The following RAB37 variants were observed in gnomAD, a reference collection of about 807,000 sequenced individuals.
The protein encoded by RAB37 is RAB37, member RAS oncogene family.
RAB37 carries 29 observed loss-of-function variants against 33.1 expected under a neutral mutation model. That is an observed-to-expected ratio of 0.88 (90% confidence interval 0.65 to 1.20). The LOEUF is 1.20. Among genes scored for constraint, RAB37 ranks in the 50% most tolerant of loss-of-function variants. The pLI is 0.00. For missense variants in RAB37, 299 were observed against 301.1 expected (o/e 0.99, Z 0.05); for synonymous variants, 128 against 119.5 (o/e 1.07, Z -0.47).
At chr17:74,695,925 G>T in intron 1 of RAB37, 1 of 1,552,310 alleles carries the variant, frequency 6.4e-7, no homozygotes, top group East Asian at 2.3e-5. Context: ...CCTTTTCCAC[G>T]GTGGGACGGG....
chr17:74,676,344 G>A lies in RAB37; in HGVS notation c.72+4686G>A, dbSNP rs369574769. 1.1e-4 allele frequency among the ~76,000 whole-genome samples: 17 copies of A among 152,120 alleles called. No homozygotes were observed. In the South Asian group the frequency reaches 3.5e-3, roughly 32 times the overall value. On this transcript the variant is annotated intron_variant, in intron 1 of 7. Coordinates refer to the RAB37 transcript ENST00000340415. The surrounding 1 kb of genome is among the most constrained non-coding windows in gnomAD (Gnocchi z 4.1). ...TCAGTCTCAGAAAGACTGGGGGTGG[G>A]GGGCAGAAAAACGTGAGCTGCTCAT...
chr17:74,709,093 G>A (rs1312637302), intron 1 of RAB37, among the ~76,000 whole-genome samples: 3 of 151,522 alleles, frequency 2.0e-5, no homozygotes, highest in Non-Finnish European at 4.4e-5. Context: ...GCGTGGTGGC[G>A]GGCGCCTGTA....
intron 1 of RAB37, among the ~76,000 whole-genome samples, chr17:74,684,069 A>C (rs1200290741): frequency 6.6e-6 from 1 of 152,110 alleles, no homozygotes; most frequent in Admixed American, 6.6e-5. Flanking sequence ...GCTATTAGTG[A>C]ATAATGAGAG....
intron 1 of RAB37, among the ~76,000 whole-genome samples, chr17:74,678,707 A>T (rs967988492): frequency 1.3e-5 from 2 of 150,618 alleles, no homozygotes; most frequent in African/African-American, 2.5e-5. Context: ...ACACACACAC[A>T]TGCCTGCACA....
chr17:74,710,629 C>T (rs943432986), intron 1 of RAB37, among the ~76,000 whole-genome samples: 10 of 150,922 alleles, frequency 6.6e-5, no homozygotes, highest in Admixed American at 2.0e-4. Flanking sequence ...GAGGCCAAGG[C>T]GGGTGGATCA....
chr17:74,733,153 C>T (rs1459040025), upstream of RAB37, among the ~76,000 whole-genome samples: 1 of 151,932 alleles, frequency 6.6e-6, no homozygotes, highest in African/African-American at 2.4e-5. Context: ...TGGAGCTGCA[C>T]TGTGGTGACA....
chr17:74,714,757 T>C (rs543994503), intron 1 of RAB37, among the ~76,000 whole-genome samples: 5 of 152,308 alleles, frequency 3.3e-5, no homozygotes, highest in African/African-American at 9.6e-5. Flanking sequence ...CTGACAATCA[T>C]GTCCATCCCC....
chr17:74,737,100 C>A (rs769701277), upstream of RAB37: 1 of 1,604,018 alleles, frequency 6.2e-7, no homozygotes, highest in African/African-American at 1.3e-5. Flanking sequence ...GCTCTGCGTG[C>A]CCTCAGGGAA....
rs763884748 is a variant in RAB37 at position 74,745,359 on chromosome 17, G to A, written c.620G>A (p.Arg207Gln). Residue 207 changes from arginine (R) to glutamine (Q), a missense_variant, in exon 9 of 9, where the codon CGA (arginine) becomes CAA (glutamine). Arg to Gln is a conservative substitution (Grantham distance 43). Coordinates refer to ENST00000392613, the MANE Select transcript of RAB37 (RefSeq NM_001006638.3). This position sits in a 1 kb window ranked among gnomAD's most constrained non-coding sequence, Gnocchi z 4.5. ...GCGGATGAGCCCAGCTTCCAGATCC[G>A]AGACTATGTAGAGTCCCAGAAGAAG... ...HQADEPSFQI[R>Q]DYVESQKKRS... The A allele has an allele frequency of 1.4e-5, 22 of 1,613,974 alleles. No individual in the cohort carries two copies. Among genetic ancestry groups the A allele is most frequent in the East Asian group, 4.5e-5 (2 of 44,888 alleles).
chr17:74,690,488 G>T (rs2032138886), intron 1 of RAB37, among the ~76,000 whole-genome samples: 1 of 152,030 alleles, frequency 6.6e-6, no homozygotes, highest in African/African-American at 2.4e-5. Flanking sequence ...AAACGTGCTG[G>T]CCAGCCACCC....
At position 74,710,733 on chromosome 17, in the gene RAB37, C is replaced by G. The variant is rs187283713; in HGVS notation, c.73-18523C>G. Among the ~76,000 whole-genome samples, 113 of 151,502 alleles carry G rather than the reference C, an allele frequency of 7.5e-4. 1 individual carries two copies. In the East Asian group the frequency reaches 0.021, roughly 28 times the overall value. On this transcript the variant is annotated intron_variant, in intron 1 of 7. Transcript: ENST00000340415. ...AAAAAAAAAAAAATAGCCAGGCATG[C>G]TGGCACACCTGTAATCCCAGCTACT... is the stretch of plus-strand genomic sequence containing the variant.
upstream of RAB37, chr17:74,736,540 C>T: frequency 6.8e-7 from 1 of 1,463,776 alleles, no homozygotes; most frequent in East Asian, 2.5e-5. Flanking sequence ...GTTAATAAGG[C>T]CGGCCCCGCC....
At position 74,729,875 on chromosome 17, in the gene RAB37, C is replaced by A. The variant is rs920329969; in HGVS notation, c.183+509C>A. Reference sequence around the variant, plus strand: ...TCCAAGGCAAGAAGATCTGGAGGGACAAAGGGACGACAAAGTTTTCAGCAC... The same window carrying A: ...TCCAAGGCAAGAAGATCTGGAGGGAAAAAGGGACGACAAAGTTTTCAGCAC... On this transcript the variant is annotated intron_variant, in intron 2 of 7. Coordinates refer to the RAB37 transcript ENST00000340415. This position sits in a 1 kb window ranked among gnomAD's most constrained non-coding sequence, Gnocchi z 4.2. 6.6e-6 allele frequency among the ~76,000 whole-genome samples: 1 copy of A among 152,194 alleles called. No homozygotes were observed. Among genetic ancestry groups the A allele is most frequent in the African/African-American group, 2.4e-5 (1 of 41,452 alleles).
chr17:74,718,582 C>A (rs1464190480), intron 1 of RAB37, among the ~76,000 whole-genome samples: 3 of 151,930 alleles, frequency 2.0e-5, no homozygotes, highest in African/African-American at 4.8e-5. Context: ...GAAAAAAAAA[C>A]AAGCGTTTGT....
intron 1 of RAB37, among the ~76,000 whole-genome samples, chr17:74,691,459 C>T (rs2032155118): frequency 6.6e-6 from 1 of 152,196 alleles, no homozygotes; most frequent in East Asian, 1.9e-4. Context: ...CGTGAGCCAC[C>T]ATGCCCGGCC....
chr17:74,712,540 C>G (rs1023727074), intron 1 of RAB37, among the ~76,000 whole-genome samples: 2 of 152,252 alleles, frequency 1.3e-5, no homozygotes, highest in Non-Finnish European at 2.9e-5. Context: ...AGCCCATGTT[C>G]CTCCTCTGCT....
At chr17:74,712,612 G>A (rs926973564) in intron 1 of RAB37, among the ~76,000 whole-genome samples, 1 of 152,242 alleles carries the variant, frequency 6.6e-6, no homozygotes, top group African/African-American at 2.4e-5. Context: ...TGGGGGTCAG[G>A]AATTCTGCCT....
chr17:74,679,886 G>A (rs545998955), intron 1 of RAB37, among the ~76,000 whole-genome samples: 19 of 151,074 alleles, frequency 1.3e-4, no homozygotes, highest in Non-Finnish European at 1.3e-4. Flanking sequence ...GCTGAGGCAG[G>A]AGAATTGCTT....
chr17:74,671,309 T>C lies in RAB37; in HGVS notation c.-278T>C, dbSNP rs922791688. ...TCCTGGAGTCCTAAGAGGCAGGGATTGGAGCGGACAGGATCTCAGAACTCT... is the reference window on the plus strand; with the variant it reads ...TCCTGGAGTCCTAAGAGGCAGGGATCGGAGCGGACAGGATCTCAGAACTCT... On this transcript the variant is annotated 5_prime_UTR_variant, in exon 1 of 8. Transcript: ENST00000340415. This position sits in a 1 kb window ranked among gnomAD's most constrained non-coding sequence, Gnocchi z 5.0. 1.1e-5 allele frequency: 5 copies of C among 461,692 alleles called. No homozygotes were observed. The highest frequency in any genetic ancestry group is 6.9e-5 in the South Asian group (2 of 28,846). The allele number at this position is 461,692 out of a possible 1,614,324, so 28.6% of individuals were successfully genotyped here.
Sources: gnomAD v4.1 joint callset for allele counts (sites outside exome capture counted in the v4.1 genomes callset) on GRCh38, gnomAD v4.1.1 for gene constraint, Gnocchi (gnomAD v3.1) non-coding constraint, MANE v1.5 for transcripts, NCBI Gene and HGNC (gene_info 2026-07-23, HGNC 2026-07-21) for gene names.